The following ZBTB20 variants were observed in gnomAD, a reference collection of about 807,000 sequenced individuals.
ZBTB20 encodes zinc finger and BTB domain-containing protein 20.
In ZBTB20, 9 loss-of-function variants were observed where a neutral mutation model predicts 56.9. The ratio of observed to expected loss-of-function variants is 0.16; its 90% confidence interval spans 0.10 to 0.28. ZBTB20 has a LOEUF of 0.28. Ranked by LOEUF, ZBTB20 falls within the 10% of genes least tolerant of loss-of-function variation. The probability of loss-of-function intolerance (pLI) is 1.00; values close to 1 mark genes in which losing one functional copy is unlikely to be tolerated. For missense variants in ZBTB20, 655 were observed against 1,003.0 expected (o/e 0.65, Z 4.69); for synonymous variants, 417 against 420.7 (o/e 0.99, Z 0.11).
chr3:114,784,612 T>C (rs889379445), intron 5 of ZBTB20, among the ~76,000 whole-genome samples: 12 of 152,218 alleles, frequency 7.9e-5, no homozygotes, highest in African/African-American at 2.7e-4. Context: ...GAGTGCTCTG[T>C]GTTTAAGTTA....
chr3:114,658,902 T>C (rs191076193), intron 6 of ZBTB20: 1 of 152,322 alleles, frequency 6.6e-6, no homozygotes, highest in East Asian at 1.9e-4. Context: ...TATTTGCTTG[T>C]ATGTCTTAAC....
chr3:114,663,649 ACGT>A (rs1363836427), intron 6 of ZBTB20, among the ~76,000 whole-genome samples: 3 of 150,636 alleles, frequency 2.0e-5, no homozygotes, highest in Admixed American at 6.6e-5. Context: ...AACCCATCTC[ACGT>A]GCAGAGACAC....
chr3:114,464,867 A>G (rs2092473916), intron 7 of ZBTB20, among the ~76,000 whole-genome samples: 1 of 152,150 alleles, frequency 6.6e-6, no homozygotes, highest in South Asian at 2.1e-4. Flanking sequence ...GCCACATCAC[A>G]GCACTACAAT....
Position 114,729,292 on chromosome 3 carries a change from C to G in ZBTB20, c.-342-35717G>C, listed in dbSNP as rs535811835. Among the ~76,000 whole-genome samples the G allele has an allele frequency of 3.3e-5, 5 of 152,214 alleles. No homozygotes were observed. In the East Asian group the frequency reaches 9.6e-4, roughly 29 times the overall value. ...TTCTAAATAAGAGGCAATACATATG[C>G]ATAGTAAAATAGAGAATAACAGCAA... On this transcript the variant is annotated intron_variant, in intron 5 of 11. Coordinates refer to ENST00000675478, the MANE Select transcript of ZBTB20 (RefSeq NM_001348800.3).
intron 1 of ZBTB20, among the ~76,000 whole-genome samples, chr3:115,088,860 T>C (rs998229602): frequency 1.3e-5 from 2 of 151,832 alleles, no homozygotes; most frequent in African/African-American, 2.4e-5. Flanking sequence ...CATGAAATTG[T>C]TGTGTTTCAC....
At chr3:114,786,088 T>C (rs115715388) in intron 5 of ZBTB20, among the ~76,000 whole-genome samples, 4,885 of 152,200 alleles carry the variant, frequency 0.032, 134 homozygotes, top group African/African-American at 0.069. Context: ...TGAACAGCCA[T>C]GTTTTCAATA....
chr3:114,997,962 T>C (rs2079093511), intron 2 of ZBTB20, among the ~76,000 whole-genome samples: 1 of 151,744 alleles, frequency 6.6e-6, no homozygotes, highest in Non-Finnish European at 1.5e-5. Context: ...CAGCTAGAAA[T>C]GGATAGATTT....
chr3:114,540,257 A>G (rs1274166761), intron 6 of ZBTB20, among the ~76,000 whole-genome samples: 1 of 152,100 alleles, frequency 6.6e-6, no homozygotes, highest in African/African-American at 2.4e-5. Context: ...CCATCAGAGA[A>G]TATTATCAAC....
At chr3:114,441,039 C>T (rs1313345154) in intron 7 of ZBTB20, among the ~76,000 whole-genome samples, 1 of 152,092 alleles carries the variant, frequency 6.6e-6, no homozygotes, top group Non-Finnish European at 1.5e-5. Context: ...AACTATTTTG[C>T]TATTATTTTA....
At chr3:114,847,370 A>G (rs1008715109) in intron 4 of ZBTB20, among the ~76,000 whole-genome samples, 3 of 151,964 alleles carry the variant, frequency 2.0e-5, no homozygotes, top group Non-Finnish European at 4.4e-5. Context: ...AACTTTGAAT[A>G]TGCCTCATTT....
chr3:114,352,272 G>T (rs770088362), intron 10 of ZBTB20, among the ~76,000 whole-genome samples: 15 of 152,172 alleles, frequency 9.9e-5, no homozygotes, highest in Non-Finnish European at 2.2e-4. Context: ...TTTTATTTAT[G>T]TATTTATTTA....
Position 114,941,934 on chromosome 3 carries a change from G to GA in ZBTB20, c.-456+32431dup, listed in dbSNP as rs1040278987. Among the ~76,000 whole-genome samples the GA allele has an allele frequency of 5.5e-5, 8 of 145,830 alleles. 1 individual carries two copies. The highest frequency in any genetic ancestry group is 2.2e-4 in the African/African-American group (8 of 35,896). On this transcript the variant is annotated intron_variant, in intron 3 of 11. Coordinates refer to ENST00000675478, the MANE Select transcript of ZBTB20 (RefSeq NM_001348800.3). ...ACCCAGGGAGGTGACAATATTTCAG[G>GA]AAAAAAATTAACAAATCAAAATAAC...
intron 5 of ZBTB20, among the ~76,000 whole-genome samples, chr3:114,765,193 G>T (rs1036622975): frequency 6.6e-6 from 1 of 152,070 alleles, no homozygotes; most frequent in African/African-American, 2.4e-5. Flanking sequence ...AAAAAATAGT[G>T]TTCATAATTA....
chr3:114,594,117 A>C (rs889086610), intron 6 of ZBTB20, among the ~76,000 whole-genome samples: 5 of 152,196 alleles, frequency 3.3e-5, no homozygotes, highest in Non-Finnish European at 7.4e-5. Context: ...TAGGATTTCT[A>C]AAGAAGAAGA....
intron 10 of ZBTB20, among the ~76,000 whole-genome samples, chr3:114,378,658 T>C (rs2722006): frequency 0.41 from 63,127 of 152,152 alleles, 13,240 homozygotes; most frequent in Non-Finnish European, 0.43. Context: ...GGCAGAAAGC[T>C]GGGTAATGAA....
chr3:114,331,874 G>A lies in ZBTB20; in HGVS notation c.*7131C>T, dbSNP rs1033365814. The A allele has an allele frequency of 6.6e-6, 1 of 152,140 alleles. No individual in the cohort carries two copies. Among genetic ancestry groups the A allele is most frequent in the African/African-American group, 2.4e-5 (1 of 41,430 alleles). The allele number at this position is 152,140 out of a possible 1,614,324, so 9.4% of individuals were successfully genotyped here. The stretch of plus-strand genomic sequence containing the variant: ...AATGTGAAACAGTTTTGTGCTGAGG[G>A]AAGCTCACACTGTGTGTGCACATGT... On this transcript the variant is annotated 3_prime_UTR_variant, in exon 12 of 12. Coordinates refer to ENST00000675478, the MANE Select transcript of ZBTB20 (RefSeq NM_001348800.3).
In ZBTB20 at chr3:114,815,187, T is replaced by G. The variant is rs374550631; in HGVS notation, c.-416-14013A>C. On this transcript the variant is annotated intron_variant, in intron 4 of 11. Transcript: ENST00000675478. ...ACAATAAAATACTTTTCTTTTAAAT[T>G]TAGCTTCTGGCTCCCATTCCTTCAG... Among the ~76,000 whole-genome samples, 76 of 152,308 alleles carry G rather than the reference T, an allele frequency of 5.0e-4. 1 individual carries two copies. The South Asian group carries it at 0.016, about 31-fold the overall frequency.
At chr3:114,712,655 A>G (rs1218809904) in intron 5 of ZBTB20, among the ~76,000 whole-genome samples, 3 of 140,764 alleles carry the variant, frequency 2.1e-5, no homozygotes, top group Admixed American at 7.1e-5. Flanking sequence ...CTCCATCTCG[A>G]AAAAAAAAAA....
chr3:115,045,590 C>T (rs934097995), intron 2 of ZBTB20, among the ~76,000 whole-genome samples: 2 of 151,002 alleles, frequency 1.3e-5, no homozygotes, highest in Non-Finnish European at 3.0e-5. Context: ...AACTAAAATG[C>T]AATCAATCCA....
Sources: allele counts gnomAD v4.1 joint callset (sites outside exome capture counted in the v4.1 genomes callset), GRCh38; gene constraint gnomAD v4.1.1; transcripts MANE v1.5; gene names NCBI Gene and HGNC (gene_info 2026-07-23, HGNC 2026-07-21).